Variants in KIAA1549L observed in about 807,000 individuals in gnomAD.
KIAA1549L encodes KIAA1549 like, also known as UPF0606 protein KIAA1549L.
Under a neutral mutation model 160.7 loss-of-function variants are expected in KIAA1549L, and 88 were observed. That is an observed-to-expected ratio of 0.55 (90% confidence interval 0.46 to 0.65). KIAA1549L has a LOEUF of 0.65. Among genes scored for constraint, KIAA1549L ranks in the 30% least tolerant of loss-of-function variants. The pLI is 0.00. For synonymous variants in KIAA1549L, 950 were observed against 976.7 expected (o/e 0.97, Z 0.51); for missense variants, 2,258 against 2,437.5 (o/e 0.93, Z 1.55).
intron 1 of KIAA1549L, among the ~76,000 whole-genome samples, chr11:33,380,070 G>A (rs1850043211): frequency 6.6e-6 from 1 of 152,226 alleles, no homozygotes; most frequent in Admixed American, 6.5e-5. Context: ...TCTGGCAGAG[G>A]AAAAGTAAAG....
At chr11:33,517,285 T>C (rs1210604721) in intron 1 of KIAA1549L, among the ~76,000 whole-genome samples, 1 of 152,068 alleles carries the variant, frequency 6.6e-6, no homozygotes, top group Non-Finnish European at 1.5e-5. Context: ...CCTCCTGGAG[T>C]AGTTAACAAT....
chr11:33,639,234 G>T (rs1213602831), intron 16 of KIAA1549L, among the ~76,000 whole-genome samples: 1 of 152,202 alleles, frequency 6.6e-6, no homozygotes, highest in African/African-American at 2.4e-5. Flanking sequence ...GGATGAAGTC[G>T]TGGGTACTTA....
chr11:33,480,044 T>TTG (rs368086773), intron 1 of KIAA1549L, among the ~76,000 whole-genome samples: 6,325 of 150,140 alleles, frequency 0.042, 392 homozygotes, highest in African/African-American at 0.14. Context: ...ATATTAATGA[T>TTG]TGTGTGTGTG....
At chr11:33,553,490 A>C (rs1854541927) in intron 6 of KIAA1549L, among the ~76,000 whole-genome samples, 1 of 152,238 alleles carries the variant, frequency 6.6e-6, no homozygotes, top group Non-Finnish European at 1.5e-5. Flanking sequence ...GTGAATTATC[A>C]GCAAAGCCAA....
chr11:33,419,093 G>A lies in KIAA1549L; in HGVS notation c.238+42204G>A, dbSNP rs534228544. Among the ~76,000 whole-genome samples the A allele has an allele frequency of 1.9e-3, 282 of 152,010 alleles. 2 individuals are homozygous for A. Among genetic ancestry groups the A allele is most frequent in the African/African-American group, 6.5e-3 (270 of 41,442 alleles). On this transcript the variant is annotated intron_variant, in intron 1 of 20. Transcript: ENST00000658780. ...TCATTGTGTTGGCCAGGCTGGTCTC[G>A]AACTCCTGACCTCAAGTAATTCACC...
intron 1 of KIAA1549L, among the ~76,000 whole-genome samples, chr11:33,410,192 CTG>C: frequency 6.6e-6 from 1 of 152,170 alleles, no homozygotes; most frequent in South Asian, 2.1e-4. Context: ...AGGCAGTAGA[CTG>C]TAACAGAGAG....
At chr11:33,440,750 T>C (rs1233307018) in intron 1 of KIAA1549L, among the ~76,000 whole-genome samples, 2 of 152,160 alleles carry the variant, frequency 1.3e-5, no homozygotes, top group East Asian at 3.9e-4. Context: ...ATCTCAGACC[T>C]TCTTTTCTGA....
At chr11:33,593,014 G>T (rs985126347) in intron 12 of KIAA1549L, among the ~76,000 whole-genome samples, 1 of 152,208 alleles carries the variant, frequency 6.6e-6, no homozygotes, top group Non-Finnish European at 1.5e-5. Flanking sequence ...CAAGTTGCTG[G>T]AGGTTGATTA....
chr11:33,396,541 C>T (rs933001195), intron 1 of KIAA1549L, among the ~76,000 whole-genome samples: 4 of 152,146 alleles, frequency 2.6e-5, no homozygotes, highest in African/African-American at 7.2e-5. Context: ...GTCTGGGATC[C>T]TTCTTATGGC....
chr11:33,472,506 A>C (rs1164338486), intron 1 of KIAA1549L, among the ~76,000 whole-genome samples: 1 of 152,034 alleles, frequency 6.6e-6, no homozygotes, highest in Non-Finnish European at 1.5e-5. Context: ...TACAAGGGAG[A>C]CCAGGAACTA....
chr11:33,398,953 T>C (rs79287560), intron 1 of KIAA1549L, among the ~76,000 whole-genome samples: 4 of 18,442 alleles, frequency 2.2e-4, no homozygotes, highest in Non-Finnish European at 5.8e-4. Context: ...AGTGAGTGTT[T>C]TTTTTTTTTT....
intron 20 of KIAA1549L, among the ~76,000 whole-genome samples, 163 bp from the exon 21 acceptor site, chr11:33,667,710 G>C (rs1218898118): frequency 1.3e-5 from 2 of 152,224 alleles, no homozygotes; most frequent in South Asian, 2.1e-4. Context: ...TAAACAAACT[G>C]ACTCTGAGTT....
At chr11:33,481,858 A>G (rs1158419609) in intron 1 of KIAA1549L, among the ~76,000 whole-genome samples, 2 of 152,218 alleles carry the variant, frequency 1.3e-5, no homozygotes, top group African/African-American at 2.4e-5. Flanking sequence ...CTACCACCTG[A>G]ACGAGGATTA....
In KIAA1549L at chr11:33,568,221, T is replaced by C; in HGVS notation, c.4224T>C (p.Thr1408=). 1 of 1,612,690 alleles carries C rather than the reference T, an allele frequency of 6.2e-7. No homozygotes were observed. Among genetic ancestry groups the C allele is most frequent in the Non-Finnish European group, 8.5e-7 (1 of 1,179,314 alleles). ...GGGCCACCACCCTGGGAAGCTACAC[T>C]GTGCAGGTAGGTGTATACAGAGCCA... The part of the protein sequence containing the change: ...FKRATTLGSY[T]VQMVKMQRVP... The change falls in exon 9 of 21, where the codon ACT becomes ACC. Residue 1408 remains threonine, a synonymous_variant. Transcript: ENST00000658780.
At position 33,495,762 on chromosome 11, in the gene KIAA1549L, G is replaced by A. The variant is rs368957695; in HGVS notation, c.239-46040G>A. ...CCACCAACAGTGTAAAAGTGTTCCT[G>A]TTTCTCCACATCCTCTCCAGCACCT... On this transcript the variant is annotated intron_variant, in intron 1 of 20. Transcript: ENST00000658780. Among the ~76,000 whole-genome samples the A allele has an allele frequency of 3.3e-3, 508 of 151,880 alleles. 3 individuals carry two copies. Among genetic ancestry groups the A allele is most frequent in the South Asian group, 0.024 (116 of 4,774 alleles).
chr11:33,498,188 A>T (rs1383292072), intron 1 of KIAA1549L, among the ~76,000 whole-genome samples: 3 of 152,158 alleles, frequency 2.0e-5, no homozygotes, highest in African/African-American at 7.2e-5. Context: ...CCAGCTACCT[A>T]GGAGGCTAAG....
chr11:33,400,898 A>C (rs1477028541), intron 1 of KIAA1549L, among the ~76,000 whole-genome samples: 1 of 152,176 alleles, frequency 6.6e-6, no homozygotes, highest in Non-Finnish European at 1.5e-5. Context: ...GCCGAGGCTT[A>C]GAGAGGTGAT....
intron 11 of KIAA1549L, among the ~76,000 whole-genome samples, chr11:33,589,570 A>T (rs2133283328): frequency 6.6e-6 from 1 of 152,362 alleles, no homozygotes; most frequent in Admixed American, 6.5e-5. Context: ...ACCATGGAAT[A>T]CTATGCAGCC....
intron 11 of KIAA1549L, among the ~76,000 whole-genome samples, chr11:33,590,275 A>C (rs1850013272): frequency 6.6e-6 from 1 of 152,226 alleles, no homozygotes. Context: ...AGAGAGTTGC[A>C]GTAACTTACC....
Sources: allele counts gnomAD v4.1 joint callset (sites outside exome capture counted in the v4.1 genomes callset), GRCh38; gene constraint gnomAD v4.1.1; transcripts MANE v1.5; gene names NCBI Gene and HGNC (gene_info 2026-07-23, HGNC 2026-07-21).